The following PLA2G5 variants were observed in gnomAD, a reference collection of about 807,000 sequenced individuals.
PLA2G5 encodes phospholipase A2 group V, also known as Ca2+-dependent phospholipase A2.
A neutral mutation model predicts 15.9 loss-of-function variants in PLA2G5; 12 were observed. The observed-to-expected ratio is 0.76, with a 90% confidence interval of 0.48 to 1.23. The LOEUF (loss-of-function observed/expected upper bound fraction) is 1.23, where lower values mean the gene tolerates loss of function less well. PLA2G5 is among the 50% of genes most tolerant of loss of function. The probability of loss-of-function intolerance (pLI) is 0.00; values close to 1 mark genes in which losing one functional copy is unlikely to be tolerated. For synonymous variants in PLA2G5, 71 were observed against 71.4 expected (o/e 0.99, Z 0.03); for missense variants, 169 against 177.1 (o/e 0.95, Z 0.26).
intron 1 of PLA2G5, among the ~76,000 whole-genome samples, chr1:20,036,492 TC>T (rs2013255876): frequency 6.6e-6 from 1 of 152,150 alleles, no homozygotes; most frequent in Non-Finnish European, 1.5e-5. Flanking sequence ...AGCCTTGTTT[TC>T]AAGCTCTGAA....
At chr1:20,050,006 C>T (rs1414923629) in intron 1 of PLA2G5, among the ~76,000 whole-genome samples, 2 of 152,240 alleles carry the variant, frequency 1.3e-5, no homozygotes, top group South Asian at 4.1e-4. Context: ...AACATAATAT[C>T]CTGTGAAGTG....
chr1:20,073,457 G>A (rs768620816), intron 1 of PLA2G5, among the ~76,000 whole-genome samples: 1 of 152,174 alleles, frequency 6.6e-6, no homozygotes, highest in Non-Finnish European at 1.5e-5. Context: ...AGAACTAGTG[G>A]TGTGTATCTT....
intron 1 of PLA2G5, among the ~76,000 whole-genome samples, chr1:20,052,994 G>A (rs2014250710): frequency 6.6e-6 from 1 of 152,084 alleles, no homozygotes; most frequent in Non-Finnish European, 1.5e-5. Context: ...CACCCTTCTG[G>A]ACCAAACCAA....
chr1:20,039,076 A>G (rs2013443326), intron 1 of PLA2G5, among the ~76,000 whole-genome samples: 1 of 152,120 alleles, frequency 6.6e-6, no homozygotes, highest in South Asian at 2.1e-4. Flanking sequence ...CTATTGTGGC[A>G]CCTGAGTCTC....
At chr1:20,029,618 C>A (rs568142310) in intron 1 of PLA2G5, among the ~76,000 whole-genome samples, 1 of 152,124 alleles carries the variant, frequency 6.6e-6, no homozygotes, top group East Asian at 1.9e-4. Flanking sequence ...GGAGCCCTAC[C>A]GGGGACCATG....
intron 1 of PLA2G5, among the ~76,000 whole-genome samples, chr1:20,075,669 G>A (rs1557747188): frequency 6.6e-6 from 1 of 152,142 alleles, no homozygotes; most frequent in Non-Finnish European, 1.5e-5. Flanking sequence ...TCCAGGCAGA[G>A]AGCAATTGTG....
intron 1 of PLA2G5, among the ~76,000 whole-genome samples, chr1:20,055,371 C>T (rs1183359230): frequency 6.6e-6 from 1 of 152,204 alleles, no homozygotes; most frequent in African/African-American, 2.4e-5. Flanking sequence ...GACCTTTATT[C>T]TCTGCAAGTC....
chr1:20,033,303 G>T (rs2013068387), intron 1 of PLA2G5, among the ~76,000 whole-genome samples: 1 of 152,212 alleles, frequency 6.6e-6, no homozygotes, highest in African/African-American at 2.4e-5. Flanking sequence ...AAATGTGTTG[G>T]AAGTGGGAGG....
intron 1 of PLA2G5, among the ~76,000 whole-genome samples, chr1:20,047,006 A>G (rs1270581168): frequency 1.3e-5 from 2 of 152,188 alleles, no homozygotes; most frequent in Non-Finnish European, 2.9e-5. Flanking sequence ...AGCTCTGAAG[A>G]GAAAGGTCAT....
At chr1:20,083,363 T>G (rs1458620717) in intron 1 of PLA2G5, among the ~76,000 whole-genome samples, 1 of 151,778 alleles carries the variant, frequency 6.6e-6, no homozygotes, top group Non-Finnish European at 1.5e-5. Context: ...GAAGCATGTT[T>G]GGAGGCCAGG....
Position 20,090,694 on chromosome 1 carries a change from C to A in PLA2G5, c.*2C>A, listed in dbSNP as rs1023469719. The A allele has an allele frequency of 4.3e-6, 7 of 1,613,946 alleles. No individual in the cohort carries two copies. The highest frequency in any genetic ancestry group is 5.9e-6 in the Non-Finnish European group (7 of 1,179,890). ...TTTCCCAACATCCTCTGCTCCTAGG[C>A]CTCCCCAGCGAGCTCCTCCCAGACC... is the stretch of plus-strand genomic sequence containing the variant. On this transcript the variant is annotated 3_prime_UTR_variant, in exon 5 of 5. Transcript: ENST00000375108.
intron 1 of PLA2G5, among the ~76,000 whole-genome samples, chr1:20,083,287 A>G (rs1257194323): frequency 6.6e-6 from 1 of 151,848 alleles, no homozygotes; most frequent in African/African-American, 2.4e-5. Flanking sequence ...ATGTTCTTGG[A>G]ATTCAGAGTT....
rs547143317 is a variant in PLA2G5, at chr1:20,082,787, C to G, written c.-10-2034C>G. ...GTCTCTGGCCTCCAAGATGTCAAAG[C>G]GTCCTAAAATATAGAAAATCAAAAG... On this transcript the variant is annotated intron_variant, in intron 1 of 4. Transcript: ENST00000375108. 1.5e-4 allele frequency among the ~76,000 whole-genome samples: 23 copies of G among 151,982 alleles called. 1 individual carries two copies. Among genetic ancestry groups the G allele is most frequent in the African/African-American group, 5.3e-4 (22 of 41,276 alleles).
At chr1:20,089,927 G>T in intron 4 of PLA2G5, 32 bp downstream of exon 4, 1 of 1,500,576 alleles carries the variant, frequency 6.7e-7, no homozygotes, top group Non-Finnish European at 9.2e-7. Context: ...CGGGCCATTG[G>T]AAGAGCACCT....
chr1:20,080,846 C>T (rs2015973528), intron 1 of PLA2G5, among the ~76,000 whole-genome samples: 1 of 151,800 alleles, frequency 6.6e-6, no homozygotes, highest in African/African-American at 2.4e-5. Context: ...GAGGGAGGTG[C>T]AGAGAGCAGG....
At chr1:20,070,540 G>T (rs1018211424) in intron 1 of PLA2G5, 75 bp downstream of exon 1, 1 of 914,598 alleles carries the variant, frequency 1.1e-6, no homozygotes, top group Non-Finnish European at 1.3e-6. Flanking sequence ...ACTGGAGAAG[G>T]GGGTGTGTGG....
intron 1 of PLA2G5, among the ~76,000 whole-genome samples, chr1:20,033,041 T>A (rs1056547233): frequency 2.0e-5 from 3 of 152,214 alleles, no homozygotes; most frequent in Admixed American, 2.0e-4. Context: ...CCTGAGAATG[T>A]AGGATATGGT....
chr1:20,029,350 C>A (rs201653605), intron 1 of PLA2G5, among the ~76,000 whole-genome samples: 1 of 149,646 alleles, frequency 6.7e-6, no homozygotes, highest in Admixed American at 6.7e-5. Context: ...TCCCCTGATA[C>A]GTTCCTCCGC....
At position 20,090,572 on chromosome 1, in the gene PLA2G5, C is replaced by A; in HGVS notation, c.297C>A (p.Pro99=). The A allele has an allele frequency of 6.2e-7, 1 of 1,614,108 alleles. No homozygotes were observed. The highest frequency in any genetic ancestry group is 8.5e-7 in the Non-Finnish European group (1 of 1,179,970). The change falls in exon 5 of 5, where the codon CCC becomes CCA. Residue 99 remains proline (P), a synonymous_variant. Transcript: ENST00000375108. ...GCTCTTGGTGTCCTTTTGCAGAGCC[C>A]GGGCCCTTCTGCCATGTGAACCTCT... ...RFAWGVVTCE[P]GPFCHVNLCA...
Sources: allele counts gnomAD v4.1 joint callset (sites outside exome capture counted in the v4.1 genomes callset), GRCh38; gene constraint gnomAD v4.1.1; transcripts MANE v1.5; gene names NCBI Gene and HGNC (gene_info 2026-07-23, HGNC 2026-07-21).